The following PAX7 variants were observed in gnomAD, a reference collection of about 807,000 sequenced individuals.
PAX7 encodes paired box protein Pax-7.
Under a neutral mutation model 50.7 loss-of-function variants are expected in PAX7, and 18 were observed. That is an observed-to-expected ratio of 0.36 (90% CI 0.25 to 0.53). The LOEUF is 0.53. Ranked by LOEUF, PAX7 falls within the 20% of genes least tolerant of loss-of-function variation. The pLI is 0.93. For synonymous variants in PAX7, 310 were observed against 290.4 expected, an observed-to-expected ratio of 1.07 and a Z score of -0.69; for missense variants, 644 against 702.9, an observed-to-expected ratio of 0.92 and a Z score of 0.95.
At chr1:18,652,009 G>C (rs935665373) in intron 4 of PAX7, among the ~76,000 whole-genome samples, 6 of 152,026 alleles carry the variant, frequency 3.9e-5, no homozygotes, top group Admixed American at 1.3e-4. Flanking sequence ...GTCAGGCCAG[G>C]GGGGATTGTT....
chr1:18,697,514 C>T (rs1326256942), intron 5 of PAX7, among the ~76,000 whole-genome samples: 2 of 152,072 alleles, frequency 1.3e-5, no homozygotes, highest in African/African-American at 2.4e-5. Context: ...TGTTATTAGC[C>T]CCATTTTATG....
chr1:18,669,966 C>G (rs914445105), intron 4 of PAX7, among the ~76,000 whole-genome samples: 1 of 151,530 alleles, frequency 6.6e-6, no homozygotes, highest in Non-Finnish European at 1.5e-5. Context: ...TGCCTGTAGG[C>G]CAGCTACTCG....
intron 4 of PAX7, among the ~76,000 whole-genome samples, chr1:18,672,797 G>C (rs1382227778): frequency 2.0e-5 from 3 of 151,938 alleles, no homozygotes; most frequent in Non-Finnish European, 2.9e-5. Context: ...GTAGAGAGGG[G>C]GGTTTCATCA....
intron 8 of PAX7, among the ~76,000 whole-genome samples, chr1:18,739,932 T>G (rs1223799312): frequency 1.3e-5 from 2 of 152,136 alleles, no homozygotes; most frequent in Admixed American, 6.5e-5. Flanking sequence ...GAAAAGAATT[T>G]TAATAGATCT....
At chr1:18,713,959 C>T (rs2089386377) in intron 7 of PAX7, among the ~76,000 whole-genome samples, 1 of 152,178 alleles carries the variant, frequency 6.6e-6, no homozygotes, top group African/African-American at 2.4e-5. Flanking sequence ...GCCTGTAATC[C>T]CAGCACTTTG....
At chr1:18,657,942 G>A (rs761282426) in intron 4 of PAX7, among the ~76,000 whole-genome samples, 5 of 152,162 alleles carry the variant, frequency 3.3e-5, no homozygotes, top group Non-Finnish European at 7.3e-5. Context: ...GCCCGCAGGC[G>A]ACTGAGCAGT....
rs1570256166 is a variant in PAX7, at chr1:18,747,092, C to A, written c.*2163C>A. 4.4e-6 allele frequency: 1 copy of A among 229,392 alleles called. No individual in the cohort carries two copies. The highest frequency in any genetic ancestry group is 8.6e-6 in the Non-Finnish European group (1 of 115,710). 14.2% of individuals were successfully genotyped at this position (229,392 alleles called of 1,614,324 possible). A position where few individuals can be genotyped will look rare whatever the true frequency, so the allele number is the denominator to read the frequency against. ...GCAGAAAGCAACTCTTCCTGAAGAC[C>A]AAACACTCGTCATCCACATTCCTTG... On this transcript the variant is annotated 3_prime_UTR_variant, in exon 9 of 9. Coordinates refer to ENST00000420770, the MANE Select transcript of PAX7 (RefSeq NM_001135254.2).
chr1:18,746,690 A>G lies in PAX7; in HGVS notation c.*1761A>G, dbSNP rs1236578360. ...CAGTCAACAAGACATTCCTAGAGGG[A>G]AAGGGCTGCTGCTCTGGGAGTCAAC... is the stretch of plus-strand genomic sequence containing the variant. On this transcript the variant is annotated 3_prime_UTR_variant, in exon 9 of 9. Transcript: ENST00000420770. 2 of 230,982 alleles carry G rather than the reference A, an allele frequency of 8.7e-6. No homozygotes were observed. 14.3% of individuals were successfully genotyped at this position (230,982 alleles called of 1,614,324 possible).
intron 4 of PAX7, among the ~76,000 whole-genome samples, chr1:18,690,066 CTCCCAAGATCT>C (rs940222909): frequency 6.6e-6 from 1 of 152,208 alleles, no homozygotes; most frequent in African/African-American, 2.4e-5. Flanking sequence ...AGCACAAGGT[CTCCCAAGATCT>C]TCTAGCTTGA....
At chr1:18,657,215 C>A (rs2088535152) in intron 4 of PAX7, among the ~76,000 whole-genome samples, 1 of 151,996 alleles carries the variant, frequency 6.6e-6, no homozygotes, top group African/African-American at 2.4e-5. Context: ...TGATAAGAGG[C>A]TACACCTTCT....
At chr1:18,736,856 C>T (rs1930729927) in intron 8 of PAX7, among the ~76,000 whole-genome samples, 1 of 152,242 alleles carries the variant, frequency 6.6e-6, no homozygotes, top group Non-Finnish European at 1.5e-5. Flanking sequence ...GTTTCCCAGT[C>T]GCACTAGCCA....
rs975929649 is a variant in PAX7 at position 18,696,147 on chromosome 1, C to A, written c.786+4194C>A. Among the ~76,000 whole-genome samples the A allele has an allele frequency of 6.7e-4, 100 of 150,282 alleles. 2 individuals are homozygous for A. The highest frequency in any genetic ancestry group is 1.2e-4 in the Non-Finnish European group (8 of 67,862). ...ATGGCGCAGTCTCAGCTCACTGCAA[C>A]CTCCGCCTCCCGGTTTCAAACGATT... On this transcript the variant is annotated intron_variant, in intron 5 of 8. Transcript: ENST00000420770.
chr1:18,742,946 A>G (rs960861723), intron 8 of PAX7, among the ~76,000 whole-genome samples: 4 of 152,162 alleles, frequency 2.6e-5, no homozygotes, highest in African/African-American at 9.7e-5. Context: ...CAGACAAGGA[A>G]GCAGGTCTAG....
chr1:18,745,575 G>A lies in PAX7; in HGVS notation c.*646G>A, dbSNP rs1330849323. 4 of 231,046 alleles carry A rather than the reference G, an allele frequency of 1.7e-5. No individual in the cohort carries two copies. The highest frequency in any genetic ancestry group is 8.9e-5 in the African/African-American group (4 of 45,190). The allele number at this position is 231,046 out of a possible 1,614,324, so 14.3% of individuals were successfully genotyped here. ...CCCAGACACCTCTACTGGGTGCATG[G>A]GGAAATCTAGCACAGGCAGGGAGAC... is the stretch of plus-strand genomic sequence containing the variant. On this transcript the variant is annotated 3_prime_UTR_variant, in exon 9 of 9. Coordinates refer to ENST00000420770, the MANE Select transcript of PAX7 (RefSeq NM_001135254.2).
chr1:18,734,349 G>A (rs2089685101), intron 7 of PAX7, among the ~76,000 whole-genome samples: 1 of 152,124 alleles, frequency 6.6e-6, no homozygotes, highest in Non-Finnish European at 1.5e-5. Context: ...GAGGTCATCA[G>A]GGGCCTGGGC....
intron 7 of PAX7, among the ~76,000 whole-genome samples, chr1:18,727,367 C>CTCTG (rs1557555175): frequency 9.0e-6 from 1 of 111,240 alleles, no homozygotes; most frequent in African/African-American, 4.0e-5. Flanking sequence ...CTCTCTCTCT[C>CTCTG]TCATACACAC....
chr1:18,655,635 C>T (rs1251375878), intron 4 of PAX7, among the ~76,000 whole-genome samples: 1 of 152,244 alleles, frequency 6.6e-6, no homozygotes, highest in African/African-American at 2.4e-5. Context: ...TGGCGGCCTC[C>T]GCTAATTCAT....
chr1:18,677,095 T>A (rs1426204668), intron 4 of PAX7, among the ~76,000 whole-genome samples: 1 of 152,048 alleles, frequency 6.6e-6, no homozygotes, highest in East Asian at 1.9e-4. Flanking sequence ...TGACTGTAGG[T>A]GATTTGGGGG....
intron 8 of PAX7, among the ~76,000 whole-genome samples, chr1:18,744,020 CATCT>C (rs1201230280): frequency 4.6e-5 from 7 of 152,338 alleles, no homozygotes; most frequent in Middle Eastern, 3.4e-3. Context: ...CTCAGACACT[CATCT>C]GTCTCCTCTG....
Sources: allele counts gnomAD v4.1 joint callset (sites outside exome capture counted in the v4.1 genomes callset), GRCh38; gene constraint gnomAD v4.1.1; transcripts MANE v1.5; gene names NCBI Gene and HGNC (gene_info 2026-07-23, HGNC 2026-07-21).